Variants in TTN observed in about 807,000 individuals in gnomAD.
TTN encodes titin, also known as connectin.
Under a neutral mutation model 3,223.0 loss-of-function variants are expected in TTN, and 1,525 were observed. The observed-to-expected ratio is 0.47, with a 90% CI of 0.45 to 0.49. TTN has a LOEUF of 0.49. TTN is among the 20% of genes least tolerant of loss of function. The pLI is 0.00. For synonymous variants in TTN, 14,094 were observed against 15,161.0 expected, an observed-to-expected ratio of 0.93 and a Z score of 5.17; for missense variants, 40,786 against 43,424.0, an observed-to-expected ratio of 0.94 and a Z score of 5.40.
chr2:178,620,210 T>C lies in TTN; in HGVS notation c.46304+7A>G. ...ACAGAAATAGAGAATAAAAAGATCT[T>C]GCTTACTTTTTGCCTTCTTTGATTT... is the stretch of plus-strand genomic sequence containing the variant. On this transcript the variant is annotated splice_region_variant and intron_variant, in intron 248 of 362. Transcript: ENST00000589042. 6.5e-7 allele frequency: 1 copy of C among 1,541,068 alleles called. No individual in the cohort carries two copies. The highest frequency in any genetic ancestry group is 8.7e-7 in the Non-Finnish European group (1 of 1,148,546).
At position 178,799,509 on chromosome 2, in the gene TTN, C is replaced by A; in HGVS notation, c.892G>T (p.Ala298Ser). 1 of 1,614,128 alleles carries A rather than the reference C, an allele frequency of 6.2e-7. No homozygotes were observed. Among genetic ancestry groups the A allele is most frequent in the Non-Finnish European group, 8.5e-7 (1 of 1,180,008 alleles). ...HSPSPVRHVR[A>S]PTPSPVRSVS... ...TACCTGACCGGAGATGGGGTCGGTG[C>A]CCGCACGTGTCTGACCGGGGAAGGG... The change falls in exon 6 of 363, where the codon GCA becomes TCA. Residue 298 changes from alanine (A) to serine (S), a missense_variant. Ala to Ser is a moderately conservative substitution (Grantham distance 99). Coordinates refer to ENST00000589042, the MANE Select transcript of TTN (RefSeq NM_001267550.2).
Position 178,788,098 on chromosome 2 carries a change from C to A in TTN, c.2076+1262G>T, listed in dbSNP as rs2154352705. Reference sequence around the variant, plus strand: ...AAACAATTAGATGGAACACTAGAAGCACAATTCACGACGGATGAAAAGTTA... The same window carrying A: ...AAACAATTAGATGGAACACTAGAAGAACAATTCACGACGGATGAAAAGTTA... On this transcript the variant is annotated intron_variant, in intron 13 of 362. Coordinates refer to ENST00000589042, the MANE Select transcript of TTN (RefSeq NM_001267550.2). Among the ~76,000 whole-genome samples the A allele has an allele frequency of 2.0e-5, 3 of 152,140 alleles. No homozygotes were observed. In the Middle Eastern group the frequency reaches 0.01, roughly 517 times the overall value.
intron 80 of TTN, 30 bp from the exon 81 acceptor site, chr2:178,720,294 A>C (rs2078143524): frequency 1.3e-6 from 2 of 1,597,526 alleles, no homozygotes; most frequent in African/African-American, 1.3e-5. Flanking sequence ...GTTAGAGGAA[A>C]AAATGTGAGA....
chr2:178,571,980 A>G lies in TTN; in HGVS notation c.74152T>C (p.Phe24718Leu), dbSNP rs773802084. Reference protein sequence around the residue: ...IAKDLVIPPAFKLLFNTFTVL... With the variant: ...IAKDLVIPPALKLLFNTFTVL... ...GTGAAAGTATTGAACAGGAGTTTGA[A>G]GGCTGGTGGAATGACAAGATCTTTG... Residue 24718 changes from phenylalanine (F) to leucine (L), a missense_variant, in exon 326 of 363, where the codon TTC (phenylalanine) becomes CTC (leucine). Transcript: ENST00000589042. 2 of 1,613,242 alleles carry G rather than the reference A, an allele frequency of 1.2e-6. No homozygotes were observed. Among genetic ancestry groups the G allele is most frequent in the Non-Finnish European group, 1.7e-6 (2 of 1,179,574 alleles).
intron 37 of TTN, 40 bp from the exon 38 acceptor site, chr2:178,768,973 C>T (rs371874637): frequency 1.6e-5 from 25 of 1,608,420 alleles, no homozygotes; most frequent in Admixed American, 5.0e-5. Flanking sequence ...GGAGACTTTA[C>T]GTAAATATGA....
chr2:178,695,281 T>C (rs72650018), intron 115 of TTN, 67 bp downstream of exon 115: 2 of 1,282,118 alleles, frequency 1.6e-6, no homozygotes, highest in Non-Finnish European at 2.2e-6. Context: ...ATTTATACAT[T>C]GCTGCCAAAC....
At position 178,641,247 on chromosome 2, in the gene TTN, G is replaced by A. The variant is rs2061195791; in HGVS notation, c.40627C>T (p.Pro13543Ser). The A allele has an allele frequency of 1.3e-6, 2 of 1,506,484 alleles. No individual in the cohort carries two copies. Among genetic ancestry groups the A allele is most frequent in the East Asian group, 5.0e-5 (2 of 40,132 alleles). The allele number at this position is 1,506,484 out of a possible 1,614,324, so 93.3% of individuals were successfully genotyped here. ...EPKKLEKVKK[P>S]AVPEPPPPKP... ...TTGTCACTGAGATTCCTACCTGCAG[G>A]TTTTTTAACTTTTTCTAGTTTTTTA... Residue 13543 changes from proline (P) to serine (S), a missense_variant, in exon 220 of 363, where the codon CCT becomes TCT. By Grantham distance (74) the Pro-to-Ser change is moderately conservative. Transcript: ENST00000589042.
At chr2:178,651,166 A>C in intron 208 of TTN, 77 bp downstream of exon 208, 2 of 1,247,454 alleles carry the variant, frequency 1.6e-6, no homozygotes, top group Non-Finnish European at 2.3e-6. Flanking sequence ...AGGACTCGCA[A>C]ACAAAAGGTT....
intron 50 of TTN, 79 bp downstream of exon 50, chr2:178,735,432 T>C (rs925352864): frequency 1.5e-6 from 2 of 1,326,738 alleles, no homozygotes; most frequent in Non-Finnish European, 2.0e-6. Flanking sequence ...GTGTACTGAC[T>C]GAATTGTTTG....
rs758393583 is a variant in TTN at position 178,662,371 on chromosome 2, G to A, written c.37006C>T (p.Pro12336Ser). Reference protein sequence around the residue: ...EATEKEIPVAPPKKPEAPIVP... With the variant: ...EATEKEIPVASPKKPEAPIVP... ...ATTGGAGCTTCTGGTTTTTTGGGTG[G>A]AGCCACGGGAATTTCTTTTTCTGTG... Residue 12336 changes from proline (P) to serine (S), a missense_variant, in exon 177 of 363, where the codon CCA becomes TCA. Transcript: ENST00000589042. 7.4e-6 allele frequency: 11 copies of A among 1,478,798 alleles called. 2 individuals carry two copies. Among genetic ancestry groups the A allele is most frequent in the Middle Eastern group, 2.5e-4 (1 of 4,080 alleles). The allele number at this position is 1,478,798 out of a possible 1,614,324, so 91.6% of individuals were successfully genotyped here.
At position 178,561,403 on chromosome 2, in the gene TTN, A is replaced by C. The variant is rs777582284; in HGVS notation, c.84729T>G (p.Ser28243=). The part of the protein sequence containing the change: ...NIAGIGKCSK[S]CEPVPARDPC... ...GATCTCTTGCAGGGACTGGTTCACA[A>C]GATTTACTGCATTTACCAATTCCAG... The change falls in exon 326 of 363, where the codon TCT becomes TCG. Residue 28243 remains serine, a synonymous_variant. Transcript: ENST00000589042. 8 of 1,613,820 alleles carry C rather than the reference A, an allele frequency of 5.0e-6. No individual in the cohort carries two copies. Among genetic ancestry groups the C allele is most frequent in the Non-Finnish European group, 6.8e-6 (8 of 1,179,792 alleles).
At position 178,681,721 on chromosome 2, in the gene TTN, G is replaced by C. The variant is rs761459453; in HGVS notation, c.33112C>G (p.Pro11038Ala). The C allele has an allele frequency of 3.1e-6, 5 of 1,598,140 alleles. No homozygotes were observed. Among genetic ancestry groups the C allele is most frequent in the Non-Finnish European group, 4.3e-6 (5 of 1,175,790 alleles). ...GGTTCTTCTGGGACAGGCTTTACAGGGATAGGCTTCTCTGGTTCTTTAAAA... is the reference window on the plus strand; with the variant it reads ...GGTTCTTCTGGGACAGGCTTTACAGCGATAGGCTTCTCTGGTTCTTTAAAA... ...EYITEPEKPIPVKPVPEEPVP... is the reference protein window; with the variant it reads ...EYITEPEKPIAVKPVPEEPVP... Residue 11038 changes from proline to alanine, a missense_variant, in exon 136 of 363, where the codon CCT becomes GCT. Coordinates refer to ENST00000589042, the MANE Select transcript of TTN (RefSeq NM_001267550.2).
Position 178,727,213 on chromosome 2 carries a change from A to G in TTN, c.20152T>C (p.Phe6718Leu). Residue 6718 changes from phenylalanine (F) to leucine (L), a missense_variant, in exon 69 of 363, where the codon TTC becomes CTC. By Grantham distance (22) the Phe-to-Leu change is conservative. Transcript: ENST00000589042. The part of the protein sequence containing the change: ...LPASDKYRMT[F>L]IDSVAVIQMN... ...TGTATGACGGCCACTGAGTCAATGA[A>G]AGTCATTCTGTACTTATCACTGGCT... is the stretch of plus-strand genomic sequence containing the variant. The G allele has an allele frequency of 6.2e-7, 1 of 1,613,256 alleles. No homozygotes were observed. The highest frequency in any genetic ancestry group is 8.5e-7 in the Non-Finnish European group (1 of 1,179,450).
Position 178,684,351 on chromosome 2 carries a change from C to G in TTN, c.32701G>C (p.Glu10901Gln), listed in dbSNP as rs757739675. ...GTACCTCTTGCTTTTGGAGGCGCCT[C>G]TTTTTTAGTTACAGCAACAAGAACT... ...EKVLVAVTKK[E>Q]APPKARVPEE... The change falls in exon 132 of 363, where the codon GAG becomes CAG. Residue 10901 changes from glutamate to glutamine, a missense_variant. Coordinates refer to ENST00000589042, the MANE Select transcript of TTN (RefSeq NM_001267550.2). The G allele has an allele frequency of 2.5e-6, 4 of 1,613,454 alleles. No homozygotes were observed. Among genetic ancestry groups the G allele is most frequent in the Non-Finnish European group, 3.4e-6 (4 of 1,179,618 alleles).
rs918499700 is a variant in TTN, at chr2:178,541,766, TTTAA to T, written c.97493-186_97493-183del. 1.3e-3 allele frequency: 451 copies of T among 357,510 alleles called. 1 individual carries two copies. The highest frequency in any genetic ancestry group is 1.7e-3 in the Non-Finnish European group (379 of 219,882). The allele number at this position is 357,510 out of a possible 1,614,324, so 22.1% of individuals were successfully genotyped here. A position where few individuals can be genotyped will look rare whatever the true frequency, so the allele number is the denominator to read the frequency against. On this transcript the variant is annotated intron_variant, in intron 349 of 362. Transcript: ENST00000589042. The stretch of plus-strand genomic sequence containing the variant: ...AATTTTAATTTAAATCATTTAATTA[TTTAA>T]TTATTTTTATTAAAAATTTTTGACT...
chr2:178,694,809 A>C lies in TTN; in HGVS notation c.31348+20T>G. On this transcript the variant is annotated intron_variant, in intron 116 of 362. Coordinates refer to ENST00000589042, the MANE Select transcript of TTN (RefSeq NM_001267550.2). Reference sequence around the variant, plus strand: ...CATATTACTTGTGTACATGGGTGCTAGGAATGTTTTAAATAATACCTTTGG... The same window carrying C: ...CATATTACTTGTGTACATGGGTGCTCGGAATGTTTTAAATAATACCTTTGG... 1 of 1,542,754 alleles carries C rather than the reference A, an allele frequency of 6.5e-7. No homozygotes were observed. Among genetic ancestry groups the C allele is most frequent in the South Asian group, 1.2e-5 (1 of 83,748 alleles).
At chr2:178,619,055 G>A in intron 250 of TTN, 1 of 673,754 alleles carries the variant, frequency 1.5e-6, no homozygotes, top group Non-Finnish European at 2.4e-6. Flanking sequence ...TTGGAGAGTA[G>A]AGGATTGAGA....
In TTN at chr2:178,757,626, C is replaced by T. The variant is rs2087705976; in HGVS notation, c.10594G>A (p.Glu3532Lys). ...ALMLIVDAYS[E>K]HAGQYSCKAA... ...TTGCAAGAGTACTGCCCAGCATGCT[C>T]TGAGTAAGCATCAACTATAAGCATT... Residue 3532 changes from glutamate to lysine, a missense_variant, in exon 45 of 363, where the codon GAG (glutamate) becomes AAG (lysine). Physicochemically the swap from Glu to Lys is moderately conservative, Grantham distance 56 (BLOSUM62 1). Transcript: ENST00000589042. 6.2e-7 allele frequency: 1 copy of T among 1,613,616 alleles called. No homozygotes were observed. The highest frequency in any genetic ancestry group is 8.5e-7 in the Non-Finnish European group (1 of 1,179,640).
chr2:178,758,874 G>C (rs1377866668), intron 44 of TTN, 110 bp downstream of exon 44: 14 of 1,137,142 alleles, frequency 1.2e-5, no homozygotes, highest in Non-Finnish European at 1.7e-5. Flanking sequence ...TGAATTAGAA[G>C]AGAATGGTAG....
Sources: allele counts gnomAD v4.1 joint callset (sites outside exome capture counted in the v4.1 genomes callset), GRCh38; gene constraint gnomAD v4.1.1; transcripts MANE v1.5; gene names NCBI Gene and HGNC (gene_info 2026-07-23, HGNC 2026-07-21).